Variants in DIPK1A observed in about 807,000 individuals in gnomAD.
DIPK1A encodes the protein divergent protein kinase domain 1A.
DIPK1A carries 27 observed loss-of-function variants against 40.8 expected under a neutral mutation model. That is an observed-to-expected ratio of 0.66 (90% CI 0.49 to 0.91). DIPK1A has a LOEUF of 0.91. Ranked by LOEUF, DIPK1A falls within the 40% of genes least tolerant of loss-of-function variation. DIPK1A has a pLI of 0.00. For missense variants in DIPK1A, 412 were observed against 505.7 expected, an observed-to-expected ratio of 0.81 and a Z score of 1.78; for synonymous variants, 166 against 171.3, an observed-to-expected ratio of 0.97 and a Z score of 0.24.
chr1:92,863,397 A>C (rs191847817), intron 2 of DIPK1A, among the ~76,000 whole-genome samples: 1 of 152,250 alleles, frequency 6.6e-6, no homozygotes, highest in Non-Finnish European at 1.5e-5. Flanking sequence ...AATATAAGAG[A>C]GTGTAGCATA....
intron 3 of DIPK1A, among the ~76,000 whole-genome samples, chr1:92,847,978 C>G (rs1687692609): frequency 6.6e-6 from 1 of 152,110 alleles, no homozygotes. Flanking sequence ...CTTAAGTGAC[C>G]CACCTGCCTC....
intron 1 of DIPK1A, among the ~76,000 whole-genome samples, chr1:92,940,778 G>A (rs916699566): frequency 2.6e-5 from 4 of 152,132 alleles, no homozygotes; most frequent in South Asian, 2.1e-4. Context: ...GTTGCTCTGC[G>A]TCCTTGCCAG....
In DIPK1A at chr1:92,843,035, C is replaced by A; in HGVS notation, c.*348G>T. 1 of 1,003,774 alleles carries A rather than the reference C, an allele frequency of 1.0e-6. No individual in the cohort carries two copies. The highest frequency in any genetic ancestry group is 1.2e-6 in the Non-Finnish European group (1 of 842,398). 62.2% of individuals were successfully genotyped at this position (1,003,774 alleles called of 1,614,324 possible). On this transcript the variant is annotated 3_prime_UTR_variant, in exon 5 of 5. Coordinates refer to ENST00000370310, the MANE Select transcript of DIPK1A (RefSeq NM_001006605.5). The stretch of plus-strand genomic sequence containing the variant: ...CAGCAGCTTCAATGCAAACACAATG[C>A]TTCCAGCATTGGTATTTTGGCTAAG...
At chr1:92,851,412 G>A (rs867438440) in intron 2 of DIPK1A, among the ~76,000 whole-genome samples, 5 of 151,408 alleles carry the variant, frequency 3.3e-5, no homozygotes, top group East Asian at 1.9e-4. Context: ...GCGTGGTGGC[G>A]GGCGCCTGTA....
intron 2 of DIPK1A, among the ~76,000 whole-genome samples, chr1:92,860,411 A>G (rs908021444): frequency 6.6e-6 from 1 of 152,082 alleles, no homozygotes; most frequent in African/African-American, 2.4e-5. Context: ...GATGCTAATT[A>G]TAAGGAAACA....
At chr1:92,870,328 C>T (rs1268464530) in intron 2 of DIPK1A, among the ~76,000 whole-genome samples, 1 of 152,138 alleles carries the variant, frequency 6.6e-6, no homozygotes, top group East Asian at 1.9e-4. Context: ...CAGGTTCCAG[C>T]GATTCTCCTG....
chr1:92,848,949 G>T (rs989334360), intron 3 of DIPK1A, among the ~76,000 whole-genome samples: 12 of 152,100 alleles, frequency 7.9e-5, no homozygotes, highest in African/African-American at 2.7e-4. Context: ...ATGTTTCGTT[G>T]TATTTTCTTC....
chr1:92,840,516 T>C, downstream of DIPK1A: 2 of 1,513,896 alleles, frequency 1.3e-6, no homozygotes, highest in Non-Finnish European at 9.2e-7. Context: ...GCACATGAAA[T>C]GAAACCAAGT....
rs142775716 is a variant in DIPK1A at position 92,862,028 on chromosome 1, T to G, written c.190-11073A>C. ...CTCTTGAGCTCAAGTGAACCACCTG[T>G]CTGGCAACTCTTTATGAGTGTTCTT... On this transcript the variant is annotated intron_variant, in intron 2 of 4. Coordinates refer to ENST00000370310, the MANE Select transcript of DIPK1A (RefSeq NM_001006605.5). Among the ~76,000 whole-genome samples the G allele has an allele frequency of 1.1e-3, 170 of 152,246 alleles. 1 individual carries two copies. Among genetic ancestry groups the G allele is most frequent in the African/African-American group, 4.0e-3 (166 of 41,544 alleles).
chr1:92,864,227 T>C (rs966591214), intron 2 of DIPK1A, among the ~76,000 whole-genome samples: 1 of 152,268 alleles, frequency 6.6e-6, no homozygotes, highest in Non-Finnish European at 1.5e-5. Flanking sequence ...CAGTTAGCTA[T>C]ATATCACTAT....
chr1:92,914,589 T>A (rs1335034952), intron 1 of DIPK1A, among the ~76,000 whole-genome samples: 2 of 150,546 alleles, frequency 1.3e-5, no homozygotes, highest in Non-Finnish European at 3.0e-5. Flanking sequence ...GCCAACATGG[T>A]GAAACCCCGT....
chr1:92,857,884 T>C (rs1284669032), intron 2 of DIPK1A, among the ~76,000 whole-genome samples: 5 of 152,088 alleles, frequency 3.3e-5, no homozygotes, highest in Non-Finnish European at 7.4e-5. Context: ...TTATTTATGT[T>C]GGAGAGGAGC....
In DIPK1A at chr1:92,930,425, TA is replaced by T. The variant is rs1007697310; in HGVS notation, c.54+30950del. On this transcript the variant is annotated intron_variant, in intron 1 of 4. Coordinates refer to ENST00000370310, the MANE Select transcript of DIPK1A (RefSeq NM_001006605.5). Reference sequence around the variant, plus strand: ...GCTTTCAAACTTAATTAGGTAGTAATAAAAAAAAACTGAGAAAGGGAGCTTA... The same window carrying T: ...GCTTTCAAACTTAATTAGGTAGTAATAAAAAAAACTGAGAAAGGGAGCTTA... 2.4e-4 allele frequency among the ~76,000 whole-genome samples: 36 copies of T among 151,544 alleles called. No homozygotes were observed. In the East Asian group the frequency reaches 3.7e-3, roughly 15 times the overall value.
intron 1 of DIPK1A, among the ~76,000 whole-genome samples, chr1:92,888,165 A>G (rs1227055199): frequency 6.6e-6 from 1 of 151,902 alleles, no homozygotes; most frequent in African/African-American, 2.4e-5. Context: ...TTATCTGTTA[A>G]CCAATCCTTG....
intron 1 of DIPK1A, among the ~76,000 whole-genome samples, chr1:92,956,036 AAGAAG>A (rs1165848933): frequency 1.3e-5 from 2 of 152,086 alleles, no homozygotes; most frequent in African/African-American, 2.4e-5. Flanking sequence ...ATCCTGTATC[AAGAAG>A]AGAAAAGAAA....
intron 4 of DIPK1A, among the ~76,000 whole-genome samples, chr1:92,845,045 C>T (rs1281944809): frequency 2.0e-5 from 3 of 149,892 alleles, no homozygotes; most frequent in African/African-American, 4.9e-5. Flanking sequence ...CCCAGGTTCA[C>T]GCCATTCTCC....
Position 92,959,903 on chromosome 1 carries a change from C to CTTTTTTTTTTTTTTTTTTTTT in DIPK1A, c.54+1452_54+1472dup, listed in dbSNP as rs1157142089. 2.1e-3 allele frequency among the ~76,000 whole-genome samples: 99 copies of CTTTTTTTTTTTTTTTTTTTTT among 47,866 alleles called. 4 individuals are homozygous for CTTTTTTTTTTTTTTTTTTTTT. Among genetic ancestry groups the CTTTTTTTTTTTTTTTTTTTTT allele is most frequent in the African/African-American group, 2.3e-3 (21 of 9,078 alleles). The allele number at this position is 47,866 out of a possible 152,430, so 31.4% of individuals were successfully genotyped here. ...GCTGGGACCACAGGCACCCAACCAA[C>CTTTTTTTTTTTTTTTTTTTTT]TTTTTTTTTTTTTTTTTTTTTTTTG... On this transcript the variant is annotated intron_variant, in intron 1 of 4. Coordinates refer to ENST00000370310, the MANE Select transcript of DIPK1A (RefSeq NM_001006605.5).
At chr1:92,884,465 C>CA (rs112400053) in intron 1 of DIPK1A, among the ~76,000 whole-genome samples, 4,898 of 148,296 alleles carry the variant, frequency 0.033, 251 homozygotes, top group African/African-American at 0.11. Context: ...AACAAACAAA[C>CA]AAAAAAAAAC....
chr1:92,959,269 G>A (rs934254849), intron 1 of DIPK1A, among the ~76,000 whole-genome samples: 4 of 151,990 alleles, frequency 2.6e-5, no homozygotes, highest in Admixed American at 6.6e-5. Flanking sequence ...CTGGGCAACA[G>A]AAGGAGACCC....
Sources: allele counts gnomAD v4.1 joint callset (sites outside exome capture counted in the v4.1 genomes callset), GRCh38; gene constraint gnomAD v4.1.1; transcripts MANE v1.5; gene names NCBI Gene and HGNC (gene_info 2026-07-23, HGNC 2026-07-21).